Variants in KCNN3 observed in about 807,000 individuals in gnomAD.
KCNN3 encodes small conductance calcium-activated potassium channel protein 3.
In KCNN3, 16 loss-of-function variants were observed where a neutral mutation model predicts 62.9. The observed-to-expected ratio is 0.25, with a 90% confidence interval of 0.17 to 0.39. KCNN3 has a LOEUF of 0.39. Ranked by LOEUF, KCNN3 falls within the 10% of genes least tolerant of loss-of-function variation. The pLI is 1.00. For synonymous variants in KCNN3, 370 were observed against 389.2 expected, an observed-to-expected ratio of 0.95 and a Z score of 0.58; for missense variants, 599 against 949.4, an observed-to-expected ratio of 0.63 and a Z score of 4.85.
At chr1:154,817,164 C>T (rs772734689) in intron 2 of KCNN3, among the ~76,000 whole-genome samples, 1 of 152,190 alleles carries the variant, frequency 6.6e-6, no homozygotes, top group Non-Finnish European at 1.5e-5. Context: ...AAACCTACCC[C>T]CAAAGGCTGA....
chr1:154,839,126 G>A (rs1444393236), intron 1 of KCNN3, among the ~76,000 whole-genome samples: 1 of 152,206 alleles, frequency 6.6e-6, no homozygotes, highest in African/African-American at 2.4e-5. Flanking sequence ...ACAGGTCGCT[G>A]TGTAGCGATG....
Position 154,698,159 on chromosome 1 carries a change from T to C in KCNN3, c.*9817A>G, listed in dbSNP as rs1392839369. 1 of 152,200 alleles carries C rather than the reference T, an allele frequency of 6.6e-6. No individual in the cohort carries two copies. Among genetic ancestry groups the C allele is most frequent in the Non-Finnish European group, 1.5e-5 (1 of 68,048 alleles). The allele number at this position is 152,200 out of a possible 1,614,324, so 9.4% of individuals were successfully genotyped here. The stretch of plus-strand genomic sequence containing the variant: ...ACCAACTTAGAAAAAGTCCCAGATA[T>C]TACATACTCCTTCTAAAGCACCTAA... On this transcript the variant is annotated 3_prime_UTR_variant, in exon 8 of 8. Coordinates refer to ENST00000271915, the MANE Select transcript of KCNN3 (RefSeq NM_002249.6).
chr1:154,840,408 C>T (rs1294241858), intron 1 of KCNN3, among the ~76,000 whole-genome samples: 2 of 152,064 alleles, frequency 1.3e-5, no homozygotes, highest in African/African-American at 4.8e-5. Context: ...TCACAGTCCC[C>T]GAAGCAGGGA....
chr1:154,793,933 A>G (rs1486165633), intron 2 of KCNN3, among the ~76,000 whole-genome samples: 6 of 152,168 alleles, frequency 3.9e-5, no homozygotes, highest in Non-Finnish European at 8.8e-5. Context: ...TCCCCCATGC[A>G]TGCCTTTGTT....
chr1:154,798,089 C>T (rs995651152), intron 2 of KCNN3, among the ~76,000 whole-genome samples: 1 of 152,194 alleles, frequency 6.6e-6, no homozygotes, highest in Non-Finnish European at 1.5e-5. Flanking sequence ...CCCGAGAGGC[C>T]AGGGTACAAT....
chr1:154,805,842 A>G (rs1479169184), intron 2 of KCNN3, among the ~76,000 whole-genome samples: 1 of 152,252 alleles, frequency 6.6e-6, no homozygotes, highest in African/African-American at 2.4e-5. Flanking sequence ...CCAAATCACC[A>G]GAACCTGTGA....
intron 2 of KCNN3, among the ~76,000 whole-genome samples, chr1:154,798,161 C>T (rs1649807896): frequency 6.6e-6 from 1 of 152,202 alleles, no homozygotes; most frequent in African/African-American, 2.4e-5. Context: ...CTTCTCCACT[C>T]CCCCAACCCT....
rs771670220 is a variant in KCNN3, at chr1:154,699,122, T to C, written c.*8854A>G. 18 of 151,556 alleles carry C rather than the reference T, an allele frequency of 1.2e-4. No individual in the cohort carries two copies. Among genetic ancestry groups the C allele is most frequent in the Non-Finnish European group, 2.4e-4 (16 of 67,960 alleles). The allele number at this position is 151,556 out of a possible 1,614,324, so 9.4% of individuals were successfully genotyped here. On this transcript the variant is annotated 3_prime_UTR_variant, in exon 8 of 8. Coordinates refer to ENST00000271915, the MANE Select transcript of KCNN3 (RefSeq NM_002249.6). ...AAAATGTTTTCCAAAGGAAAAATGT[T>C]TCCTCTTTGGTGACCTGAGAAAGTT...
At chr1:154,743,511 C>T (rs763100612) in intron 3 of KCNN3, among the ~76,000 whole-genome samples, 3 of 152,230 alleles carry the variant, frequency 2.0e-5, no homozygotes, top group Non-Finnish European at 4.4e-5. Flanking sequence ...GCCAGCTTTA[C>T]TCCTGCCTCA....
At position 154,793,516 on chromosome 1, in the gene KCNN3, A is replaced by G. The variant is rs143995496; in HGVS notation, c.1030-21123T>C. On this transcript the variant is annotated intron_variant, in intron 2 of 7. Coordinates refer to ENST00000271915, the MANE Select transcript of KCNN3 (RefSeq NM_002249.6). ...CCATTTAAAAGTTATAAACCACCTAAAAGGATTACCATTAATGACAGTGAT... is the reference window on the plus strand; with the variant it reads ...CCATTTAAAAGTTATAAACCACCTAGAAGGATTACCATTAATGACAGTGAT... Among the ~76,000 whole-genome samples the G allele has an allele frequency of 4.6e-5, 7 of 152,346 alleles. No individual in the cohort carries two copies. The East Asian group carries it at 1.2e-3, about 25-fold the overall frequency.
At chr1:154,791,394 A>G (rs777450764) in intron 2 of KCNN3, among the ~76,000 whole-genome samples, 2 of 151,616 alleles carry the variant, frequency 1.3e-5, no homozygotes, top group Non-Finnish European at 2.9e-5. Flanking sequence ...AGCTCAACAG[A>G]TGTCTGCCCG....
intron 1 of KCNN3, among the ~76,000 whole-genome samples, chr1:154,830,632 T>C (rs1651344873): frequency 6.6e-6 from 1 of 152,202 alleles, no homozygotes; most frequent in Admixed American, 6.5e-5. Flanking sequence ...CAAGTTGCCC[T>C]GGAGCATTTC....
chr1:154,759,435 T>C (rs1051233732), intron 3 of KCNN3, among the ~76,000 whole-genome samples: 1 of 152,238 alleles, frequency 6.6e-6, no homozygotes, highest in African/African-American at 2.4e-5. Flanking sequence ...GCTTGACTAA[T>C]GTCAGCCCAC....
intron 6 of KCNN3, among the ~76,000 whole-genome samples, chr1:154,714,612 G>GTGTGTGTGTGTGTGTGTGT (rs1553227050): frequency 8.1e-5 from 2 of 24,822 alleles, no homozygotes. Context: ...TGTGGTGTGT[G>GTGTGTGTGTGTGTGTGTGT]GTGTGTGTGT....
intron 1 of KCNN3, among the ~76,000 whole-genome samples, chr1:154,863,275 C>T (rs1261435563): frequency 1.3e-5 from 2 of 152,182 alleles, no homozygotes; most frequent in African/African-American, 2.4e-5. Context: ...CCGGACTTTC[C>T]TCACCCGAAG....
intron 2 of KCNN3, among the ~76,000 whole-genome samples, chr1:154,812,275 A>T (rs1304781097): frequency 1.3e-5 from 2 of 151,170 alleles, no homozygotes; most frequent in Non-Finnish European, 3.0e-5. Flanking sequence ...CTTTTTTTTT[A>T]TACTTTAAGT....
intron 1 of KCNN3, among the ~76,000 whole-genome samples, chr1:154,848,041 C>T (rs567411430): frequency 6.6e-6 from 1 of 152,284 alleles, no homozygotes; most frequent in South Asian, 2.1e-4. Context: ...GGGTGTATTC[C>T]ACCTCCTTTG....
chr1:154,843,188 C>G (rs373141136), intron 1 of KCNN3, among the ~76,000 whole-genome samples: 2 of 152,172 alleles, frequency 1.3e-5, no homozygotes, highest in East Asian at 3.9e-4. Flanking sequence ...TGCTTGGCCT[C>G]TCCAGGAGCT....
intron 1 of KCNN3, among the ~76,000 whole-genome samples, chr1:154,835,650 G>A (rs1651557141): frequency 6.6e-6 from 1 of 152,072 alleles, no homozygotes; most frequent in South Asian, 2.1e-4. Flanking sequence ...TTTAACCCTT[G>A]GTGACTTGAA....
Sources: gnomAD v4.1 joint callset for allele counts (sites outside exome capture counted in the v4.1 genomes callset) on GRCh38, gnomAD v4.1.1 for gene constraint, MANE v1.5 for transcripts, NCBI Gene and HGNC (gene_info 2026-07-23, HGNC 2026-07-21) for gene names.